Variants in DIAPH1 observed in about 807,000 individuals in gnomAD.
DIAPH1 encodes diaphanous related formin 1.
A neutral mutation model predicts 140.7 loss-of-function variants in DIAPH1; 46 were observed. The observed-to-expected ratio is 0.33, with a 90% CI of 0.26 to 0.42. The LOEUF (loss-of-function observed/expected upper bound fraction) is 0.42, where lower values mean the gene tolerates loss of function less well. Ranked by LOEUF, DIAPH1 falls within the 10% of genes least tolerant of loss-of-function variation. DIAPH1 has a pLI of 1.00. For synonymous variants in DIAPH1, 565 were observed against 551.6 expected (o/e 1.02, Z -0.34); for missense variants, 1,310 against 1,558.7 (o/e 0.84, Z 2.69).
At chr5:141,583,718 T>A (rs1488063214) in intron 4 of DIAPH1, 103 bp from the exon 5 acceptor site, 32 of 1,509,726 alleles carry the variant, frequency 2.1e-5, no homozygotes, top group Non-Finnish European at 2.8e-5. Flanking sequence ...ATTTTTTATT[T>A]TTAGCAGAGA....
chr5:141,582,712 A>C (rs746116176), intron 6 of DIAPH1, among the ~76,000 whole-genome samples: 1 of 152,220 alleles, frequency 6.6e-6, no homozygotes, highest in Non-Finnish European at 1.5e-5. Context: ...AAGTCTGAGA[A>C]GATATATGTA....
chr5:141,550,059 G>A (rs540579584), intron 18 of DIAPH1, among the ~76,000 whole-genome samples: 2 of 152,144 alleles, frequency 1.3e-5, no homozygotes, highest in African/African-American at 4.8e-5. Flanking sequence ...GAAGAAAGTT[G>A]TCCAAGTTGC....
intron 1 of DIAPH1, among the ~76,000 whole-genome samples, chr5:141,610,357 G>C (rs901316986): frequency 6.6e-6 from 1 of 151,196 alleles, no homozygotes. Flanking sequence ...CTGGAGTGCA[G>C]TGGCACAACC....
At chr5:141,553,367 T>C (rs2099892042) in intron 18 of DIAPH1, among the ~76,000 whole-genome samples, 2 of 151,854 alleles carry the variant, frequency 1.3e-5, no homozygotes, top group Admixed American at 1.3e-4. Context: ...CGGCCGGGCA[T>C]GGTGGCTCAC....
chr5:141,538,393 C>T (rs1244063390), intron 18 of DIAPH1, among the ~76,000 whole-genome samples: 1 of 151,550 alleles, frequency 6.6e-6, no homozygotes, highest in Non-Finnish European at 1.5e-5. Context: ...CGCTCTGTCT[C>T]CCAGGCTGGA....
intron 18 of DIAPH1, among the ~76,000 whole-genome samples, chr5:141,544,420 A>G (rs72790090): frequency 0.023 from 3,460 of 152,294 alleles, 52 homozygotes; most frequent in East Asian, 0.046. Flanking sequence ...TGAAGCCATT[A>G]TTAAGAAATG....
At position 141,553,773 on chromosome 5, in the gene DIAPH1, TTAAAGA is replaced by T. The variant is rs556492194; in HGVS notation, c.2482+17649_2482+17654del. On this transcript the variant is annotated intron_variant, in intron 18 of 27. Coordinates refer to ENST00000389054, the MANE Select transcript of DIAPH1 (RefSeq NM_005219.5). ...TAATAAAATAAACCAAAAGAAAAAT[TTAAAGA>T]TAGAGACAAGAACAGAAATTAGTGA... Among the ~76,000 whole-genome samples the T allele has an allele frequency of 1.8e-3, 269 of 151,666 alleles. 1 individual carries two copies. The highest frequency in any genetic ancestry group is 5.8e-3 in the African/African-American group (238 of 41,356).
In DIAPH1 at chr5:141,578,764, T is replaced by C. The variant is rs528983255; in HGVS notation, c.934-139A>G. The C allele has an allele frequency of 1.2e-4, 86 of 722,356 alleles. 1 individual carries two copies. Among genetic ancestry groups the C allele is most frequent in the South Asian group, 8.2e-4 (52 of 63,678 alleles). The allele number at this position is 722,356 out of a possible 1,614,324, so 44.7% of individuals were successfully genotyped here. A position where few individuals can be genotyped will look rare whatever the true frequency, so the allele number is the denominator to read the frequency against. ...AACTCTAAAGATGACTTTTCTACTATAGCAATGAGACCTGGTTTGAGTACA... is the reference window on the plus strand; with the variant it reads ...AACTCTAAAGATGACTTTTCTACTACAGCAATGAGACCTGGTTTGAGTACA... On this transcript the variant is annotated intron_variant, in intron 9 of 27. Coordinates refer to ENST00000389054, the MANE Select transcript of DIAPH1 (RefSeq NM_005219.5).
intron 1 of DIAPH1, among the ~76,000 whole-genome samples, chr5:141,591,075 C>T (rs2099898321): frequency 6.6e-6 from 1 of 152,160 alleles, no homozygotes; most frequent in Non-Finnish European, 1.5e-5. Context: ...ACTCTCCTGG[C>T]TTTTCCCCCC....
chr5:141,518,904 A>G lies in DIAPH1; in HGVS notation c.3662-1896T>C, dbSNP rs1301695327. ...GTTTTCATCCCAGGAGAGGCTGCCC[A>G]TAGATCAAGCAGGGAACACGCAGCA... is the stretch of plus-strand genomic sequence containing the variant. On this transcript the variant is annotated intron_variant, in intron 27 of 27. Coordinates refer to ENST00000389054, the MANE Select transcript of DIAPH1 (RefSeq NM_005219.5). 7 of 1,543,542 alleles carry G rather than the reference A, an allele frequency of 4.5e-6. No homozygotes were observed. The South Asian group carries it at 7.1e-5, about 16-fold the overall frequency.
chr5:141,527,820 G>A, intron 23 of DIAPH1, 123 bp from the exon 24 acceptor site: 1 of 1,223,724 alleles, frequency 8.2e-7, no homozygotes, highest in East Asian at 2.6e-5. Context: ...CACACATTCT[G>A]GTACTTAATA....
At chr5:141,557,736 G>A (rs1010507256) in intron 18 of DIAPH1, 6 of 152,160 alleles carry the variant, frequency 3.9e-5, no homozygotes, top group Admixed American at 6.5e-5. Context: ...GTAGGTGTCC[G>A]GCAGCCAAAC....
rs2154596288 is a variant in DIAPH1 at position 141,573,797 on chromosome 5, C to A, written c.2053G>T (p.Ala685Ser). 2 of 1,494,868 alleles carry A rather than the reference C, an allele frequency of 1.3e-6. No individual in the cohort carries two copies. The highest frequency in any genetic ancestry group is 2.4e-5 in the East Asian group (1 of 42,006). The allele number at this position is 1,494,868 out of a possible 1,614,324, so 92.6% of individuals were successfully genotyped here. The change falls in exon 16 of 28, where the codon GCT becomes TCT. Residue 685 changes from alanine to serine, a missense_variant. Ala to Ser is a moderately conservative substitution (Grantham distance 99). Coordinates refer to ENST00000389054, the MANE Select transcript of DIAPH1 (RefSeq NM_005219.5). ...IPPPPPLPGS[A>S]RIPPPPPPLP... ...GGAGGTGGTGGTGGGGGGATTCTAG[C>A]ACTCCCAGGCAAAGGAGGAGGTGGG... is the stretch of plus-strand genomic sequence containing the variant.
intron 18 of DIAPH1, chr5:141,560,798 G>A (rs1223136918): frequency 2.2e-6 from 1 of 455,786 alleles, no homozygotes; most frequent in East Asian, 7.0e-5. Context: ...CAGGGTAAGA[G>A]CAGAACAAAG....
Position 141,516,784 on chromosome 5 carries a change from G to A in DIAPH1, c.*67C>T, listed in dbSNP as rs753530153. The A allele has an allele frequency of 2.8e-5, 45 of 1,593,802 alleles. No homozygotes were observed. Among genetic ancestry groups the A allele is most frequent in the Middle Eastern group, 2.1e-4 (1 of 4,740 alleles). On this transcript the variant is annotated 3_prime_UTR_variant, in exon 28 of 28. Coordinates refer to ENST00000389054, the MANE Select transcript of DIAPH1 (RefSeq NM_005219.5). ...AGAGGAATATCCCCTTGAGCCTTTA[G>A]GCACATGCTGCAGGGCAGGACAGTC...
At chr5:141,526,493 G>C (rs759099162) in intron 24 of DIAPH1, 32 bp from the exon 25 acceptor site, 1 of 1,613,910 alleles carries the variant, frequency 6.2e-7, no homozygotes, top group East Asian at 2.2e-5. Flanking sequence ...CCAAGACCAA[G>C]ACCAAGAAGC....
intron 18 of DIAPH1, among the ~76,000 whole-genome samples, chr5:141,568,735 C>A (rs892831118): frequency 1.3e-5 from 2 of 151,856 alleles, no homozygotes; most frequent in African/African-American, 4.8e-5. Context: ...GTAGGTATAC[C>A]GAAGGTTTTA....
chr5:141,610,993 G>A (rs558761837), intron 1 of DIAPH1, among the ~76,000 whole-genome samples: 247 of 152,162 alleles, frequency 1.6e-3, no homozygotes, highest in African/African-American at 5.6e-3. Flanking sequence ...AGGAGACCGA[G>A]GCAGCTGGAT....
chr5:141,528,049 T>C (rs917067405), intron 23 of DIAPH1, among the ~76,000 whole-genome samples: 1 of 152,232 alleles, frequency 6.6e-6, no homozygotes, highest in African/African-American at 2.4e-5. Context: ...GAAGGAGATA[T>C]ACATAGAAAT....
Sources: allele counts gnomAD v4.1 joint callset (sites outside exome capture counted in the v4.1 genomes callset), GRCh38; gene constraint gnomAD v4.1.1; transcripts MANE v1.5; gene names NCBI Gene and HGNC (gene_info 2026-07-23, HGNC 2026-07-21).